GAN: variants seen among roughly 807,000 people sequenced by gnomAD.
GAN encodes epididymis secretory sperm binding protein.
GAN carries 48 observed loss-of-function variants against 71.3 expected under a neutral mutation model. That is an observed-to-expected ratio of 0.67 (90% CI 0.53 to 0.86). The LOEUF (loss-of-function observed/expected upper bound fraction) is 0.86. Among genes scored for constraint, GAN ranks in the 40% least tolerant of loss-of-function variants. The pLI, the probability that GAN is intolerant of heterozygous loss-of-function variation, is 0.00. For synonymous variants in GAN, 386 were observed against 276.8 expected, an observed-to-expected ratio of 1.39 and a Z score of -3.92; for missense variants, 928 against 770.1, an observed-to-expected ratio of 1.21 and a Z score of -2.43.
At chr16:81,351,463 T>A (rs1052118995) in intron 1 of GAN, 120 bp from the exon 2 acceptor site, 22 of 658,994 alleles carry the variant, frequency 3.3e-5, no homozygotes, top group Non-Finnish European at 5.7e-5. Flanking sequence ...GAACTAAATT[T>A]TCTAGGTGGG....
At chr16:81,353,979 A>C (rs1567491199) in intron 2 of GAN, among the ~76,000 whole-genome samples, 1 of 152,178 alleles carries the variant, frequency 6.6e-6, no homozygotes, top group East Asian at 1.9e-4. Context: ...TTAGCGGAAG[A>C]GTGAACTTCA....
At chr16:81,325,957 C>T (rs1314995911) in intron 1 of GAN, among the ~76,000 whole-genome samples, 1 of 152,214 alleles carries the variant, frequency 6.6e-6, no homozygotes, top group African/African-American at 2.4e-5. Context: ...TGACTTCCTA[C>T]TCTTGCTTGC....
chr16:81,336,089 G>A (rs879936016), intron 1 of GAN, among the ~76,000 whole-genome samples: 3 of 152,120 alleles, frequency 2.0e-5, no homozygotes, highest in Non-Finnish European at 2.9e-5. Flanking sequence ...CATGTCTTCC[G>A]ACAGGACAAA....
chr16:81,373,268 G>A (rs1423873722), intron 9 of GAN, among the ~76,000 whole-genome samples: 1 of 152,146 alleles, frequency 6.6e-6, no homozygotes, highest in African/African-American at 2.4e-5. Flanking sequence ...GGGTAGGCCT[G>A]GACCTTGGTA....
intron 1 of GAN, among the ~76,000 whole-genome samples, chr16:81,344,300 C>G (rs1910044021): frequency 1.3e-5 from 2 of 152,256 alleles, no homozygotes; most frequent in South Asian, 4.2e-4. Context: ...CCCGCATAGC[C>G]AAGAGAACCC....
At chr16:81,320,936 G>A (rs1386661615) in intron 1 of GAN, among the ~76,000 whole-genome samples, 1 of 143,878 alleles carries the variant, frequency 7.0e-6, no homozygotes, top group Non-Finnish European at 1.5e-5. Flanking sequence ...TTTCTTTTTT[G>A]TAATCACAAC....
intron 6 of GAN, 47 bp downstream of exon 6, chr16:81,362,658 T>A (rs767206913): frequency 6.1e-6 from 6 of 990,744 alleles, no homozygotes. Flanking sequence ...CTCTTTCCCC[T>A]TAGCGCTTCT....
At position 81,388,148 on chromosome 16, in the gene GAN, T is replaced by G. The variant is rs1008732413; in HGVS notation, c.*10552T>G. On this transcript the variant is annotated 3_prime_UTR_variant, in exon 11 of 11. Transcript: ENST00000648994. ...TTTGGCCATGTTCGGAGTCGTTGTT[T>G]TTACTCACTCTTCTTGGGATAGCTT... 6.6e-6 allele frequency: 1 copy of G among 152,196 alleles called. No homozygotes were observed. Among genetic ancestry groups the G allele is most frequent in the Non-Finnish European group, 1.5e-5 (1 of 68,052 alleles). 9.4% of individuals were successfully genotyped at this position (152,196 alleles called of 1,614,324 possible). A position where few individuals can be genotyped will look rare whatever the true frequency, so the allele number is the denominator to read the frequency against.
rs1467569322 is a variant in GAN, at chr16:81,379,167, C to G, written c.*1571C>G. The G allele has an allele frequency of 6.6e-6, 1 of 152,058 alleles. No homozygotes were observed. Among genetic ancestry groups the G allele is most frequent in the African/African-American group, 2.4e-5 (1 of 41,384 alleles). 9.4% of individuals were successfully genotyped at this position (152,058 alleles called of 1,614,324 possible). ...TCTTCTAGAAACTTCCTGTATGGAA[C>G]GTTTATATGCAATTAACATGCATAT... On this transcript the variant is annotated 3_prime_UTR_variant, in exon 11 of 11. Transcript: ENST00000648994.
rs750735081 is a variant in GAN, at chr16:81,351,628, T to A, written c.213T>A (p.Tyr71Ter). ...YNPPKDDGST[Y>*]KIELEGISVM... ...CTCCAAAAGATGATGGATCAACTTA[T>A]AAGATTGAACTTGAAGGGATATCGG... is the stretch of plus-strand genomic sequence containing the variant. Residue 71 changes from tyrosine (Y) to a stop codon, truncating the protein, a stop_gained, in exon 2 of 11, where the codon TAT becomes TAA. Coordinates refer to ENST00000648994, the MANE Select transcript of GAN (RefSeq NM_022041.4). LOFTEE classifies it high-confidence loss of function. 2.6e-6 allele frequency: 4 copies of A among 1,568,104 alleles called. No homozygotes were observed. Among genetic ancestry groups the A allele is most frequent in the Non-Finnish European group, 3.5e-6 (4 of 1,137,906 alleles).
chr16:81,354,057 A>T (rs1910400172), intron 2 of GAN, among the ~76,000 whole-genome samples: 1 of 152,180 alleles, frequency 6.6e-6, no homozygotes, highest in African/African-American at 2.4e-5. Context: ...TTACCATAGA[A>T]TGTAGAACTT....
chr16:81,329,651 G>C (rs553053680), intron 1 of GAN, among the ~76,000 whole-genome samples: 155 of 152,236 alleles, frequency 1.0e-3, no homozygotes, highest in African/African-American at 3.5e-3. Context: ...GTATTTATCA[G>C]ATCATTTTGT....
At chr16:81,316,009 G>T (rs1475412334) in intron 1 of GAN, among the ~76,000 whole-genome samples, 1 of 152,238 alleles carries the variant, frequency 6.6e-6, no homozygotes, top group Non-Finnish European at 1.5e-5. Context: ...CCCGAGGACC[G>T]TGAGAGCCTT....
At chr16:81,315,685 C>G (rs1051003818) in intron 1 of GAN, among the ~76,000 whole-genome samples, 1 of 152,322 alleles carries the variant, frequency 6.6e-6, no homozygotes, top group African/African-American at 2.4e-5. Flanking sequence ...GAAGAGTCAC[C>G]CCCTCGCCCA....
intron 5 of GAN, among the ~76,000 whole-genome samples, chr16:81,359,405 GTTT>G (rs71146005): frequency 8.0e-6 from 1 of 125,104 alleles, no homozygotes. Context: ...AGGCTGCATT[GTTT>G]TTTTTTTTTT....
At position 81,362,518 on chromosome 16, in the gene GAN, C is replaced by T. The variant is rs199908897; in HGVS notation, c.993C>T (p.Phe331=). ...TTGCAGAAGGATTTTTGTTTGTATT[C>T]GGGGGCCAAGATGAAAATAAGCAGA... ...VLSAEGFLFV[F]GGQDENKQTL... The change falls in exon 6 of 11, where the codon TTC becomes TTT. Residue 331 remains phenylalanine (F), a synonymous_variant. Coordinates refer to ENST00000648994, the MANE Select transcript of GAN (RefSeq NM_022041.4). The T allele has an allele frequency of 5.1e-5, 81 of 1,602,042 alleles. No homozygotes were observed. The highest frequency in any genetic ancestry group is 4.2e-4 in the East Asian group (19 of 44,824).
intron 1 of GAN, among the ~76,000 whole-genome samples, chr16:81,334,997 T>C (rs1909707897): frequency 6.6e-6 from 1 of 152,034 alleles, no homozygotes; most frequent in African/African-American, 2.4e-5. Context: ...ATGCGTCTTA[T>C]TAGATGGTGA....
At chr16:81,339,185 C>T (rs939000748) in intron 1 of GAN, among the ~76,000 whole-genome samples, 1 of 152,182 alleles carries the variant, frequency 6.6e-6, no homozygotes, top group Non-Finnish European at 1.5e-5. Context: ...CCACATCACC[C>T]AAGAGCTCAT....
rs1904343305 is a variant in GAN at position 81,384,408 on chromosome 16, AAG to A, written c.*6815_*6816del. 1 of 152,150 alleles carries A rather than the reference AAG, an allele frequency of 6.6e-6. No homozygotes were observed. The highest frequency in any genetic ancestry group is 1.5e-5 in the Non-Finnish European group (1 of 68,032). The allele number at this position is 152,150 out of a possible 1,614,324, so 9.4% of individuals were successfully genotyped here. A position where few individuals can be genotyped will look rare whatever the true frequency, so the allele number is the denominator to read the frequency against. On this transcript the variant is annotated 3_prime_UTR_variant, in exon 11 of 11. Transcript: ENST00000648994. ...TACTTGAAACTCAACTTGAACTTTA[AAG>A]AGTCTTTAAAAGGCTGTTTTCATAA...
Sources: gnomAD v4.1 joint callset for allele counts (sites outside exome capture counted in the v4.1 genomes callset) on GRCh38, gnomAD v4.1.1 for gene constraint, MANE v1.5 for transcripts, NCBI Gene and HGNC (gene_info 2026-07-23, HGNC 2026-07-21) for gene names.